CCSER1: variants seen among roughly 807,000 people sequenced by gnomAD.
The protein encoded by CCSER1 is serine-rich coiled-coil domain-containing protein 1.
CCSER1 carries 41 observed loss-of-function variants against 82.0 expected under a neutral mutation model. The ratio of observed to expected loss-of-function variants is 0.50; its 90% CI spans 0.39 to 0.65. The LOEUF (loss-of-function observed/expected upper bound fraction) is 0.65. Among genes scored for constraint, CCSER1 ranks in the 30% least tolerant of loss-of-function variants. The probability of loss-of-function intolerance (pLI) is 0.00; values close to 1 mark genes in which losing one functional copy is unlikely to be tolerated. For missense variants in CCSER1, 1,119 were observed against 1,064.2 expected, an observed-to-expected ratio of 1.05 and a Z score of -0.72; for synonymous variants, 414 against 383.9, an observed-to-expected ratio of 1.08 and a Z score of -0.92.
At chr4:90,338,436 C>G (rs375977775) in intron 3 of CCSER1, among the ~76,000 whole-genome samples, 1 of 152,164 alleles carries the variant, frequency 6.6e-6, no homozygotes, top group Non-Finnish European at 1.5e-5. Flanking sequence ...AAGTTCCTAA[C>G]AATGTTCATT....
chr4:91,354,245 A>G (rs4473625), intron 10 of CCSER1, among the ~76,000 whole-genome samples: 119,300 of 152,162 alleles, frequency 0.78, 47,467 homozygotes, highest in African/African-American at 0.92. Context: ...TTTTCAGGGG[A>G]CCATTTATCA....
intron 10 of CCSER1, among the ~76,000 whole-genome samples, chr4:91,126,308 C>T (rs917080939): frequency 6.6e-6 from 1 of 151,782 alleles, no homozygotes. Flanking sequence ...GAAACACAAC[C>T]ATAACCTCAA....
intron 7 of CCSER1, among the ~76,000 whole-genome samples, chr4:90,791,770 C>T (rs967771661): frequency 1.3e-5 from 2 of 149,520 alleles, no homozygotes; most frequent in Admixed American, 1.3e-4. Context: ...TGTAGTGAGC[C>T]GAGATCGCGC....
At chr4:90,475,742 G>C (rs116796235) in intron 5 of CCSER1, among the ~76,000 whole-genome samples, 1 of 152,122 alleles carries the variant, frequency 6.6e-6, no homozygotes, top group African/African-American at 2.4e-5. Flanking sequence ...ATAAAGAGGG[G>C]CAAAGGACTC....
intron 9 of CCSER1, among the ~76,000 whole-genome samples, chr4:91,022,004 CTTTTT>C (rs914341028): frequency 1.3e-5 from 2 of 151,150 alleles, no homozygotes; most frequent in African/African-American, 4.9e-5. Flanking sequence ...TATATTGAAA[CTTTTT>C]TTTTATTATA....
intron 6 of CCSER1, among the ~76,000 whole-genome samples, chr4:90,657,288 A>T (rs66934910): frequency 0.51 from 78,023 of 151,900 alleles, 20,273 homozygotes; most frequent in Middle Eastern, 0.67. Flanking sequence ...TTTATTCAAA[A>T]GAGATTTTGT....
chr4:91,156,159 G>A (rs1427360130), intron 10 of CCSER1, among the ~76,000 whole-genome samples: 3 of 151,630 alleles, frequency 2.0e-5, no homozygotes, highest in Non-Finnish European at 3.0e-5. Flanking sequence ...TTGAAGGGAG[G>A]TGATGGCCAA....
chr4:90,813,917 G>C (rs1758660505), intron 7 of CCSER1, among the ~76,000 whole-genome samples: 1 of 152,106 alleles, frequency 6.6e-6, no homozygotes. Context: ...TGGGGATTCT[G>C]TGTGGGTGGC....
intron 4 of CCSER1, among the ~76,000 whole-genome samples, chr4:90,428,606 T>A (rs1011796498): frequency 1.1e-4 from 16 of 151,916 alleles, no homozygotes; most frequent in Non-Finnish European, 2.2e-4. Flanking sequence ...TAGAAGTGGA[T>A]CATCATAAAA....
At chr4:90,537,328 C>T (rs906821145) in intron 5 of CCSER1, among the ~76,000 whole-genome samples, 7 of 151,894 alleles carry the variant, frequency 4.6e-5, no homozygotes, top group African/African-American at 7.2e-5. Context: ...ATATCTTTTT[C>T]GTTTTTAGGG....
At chr4:90,276,482 G>GA (rs1420547617) in intron 1 of CCSER1, among the ~76,000 whole-genome samples, 1 of 146,742 alleles carries the variant, frequency 6.8e-6, no homozygotes, top group Non-Finnish European at 1.5e-5. Context: ...GAGTAGCTGG[G>GA]ATTACAATAA....
At chr4:91,423,189 G>GCTGAGGCGGGCAGATCAC (rs1753777203) in intron 10 of CCSER1, among the ~76,000 whole-genome samples, 1 of 151,968 alleles carries the variant, frequency 6.6e-6, no homozygotes, top group South Asian at 2.1e-4. Flanking sequence ...ACTTTGGGAG[G>GCTGAGGCGGGCAGATCAC]CTGAGGCGGG....
intron 3 of CCSER1, among the ~76,000 whole-genome samples, chr4:90,316,338 A>G (rs916572058): frequency 2.6e-5 from 4 of 152,206 alleles, no homozygotes; most frequent in African/African-American, 9.7e-5. Flanking sequence ...AAGTTGAGCC[A>G]TTTTTCAATT....
chr4:91,394,323 T>C (rs1389213414), intron 10 of CCSER1, among the ~76,000 whole-genome samples: 1 of 152,118 alleles, frequency 6.6e-6, no homozygotes, highest in East Asian at 1.9e-4. Flanking sequence ...TAATTATTTT[T>C]AATATCTCAA....
chr4:90,691,273 C>A (rs1735772946), intron 6 of CCSER1, among the ~76,000 whole-genome samples: 3 of 151,404 alleles, frequency 2.0e-5, no homozygotes, highest in South Asian at 4.2e-4. Context: ...AAAGATATAC[C>A]TGTCTCTGAT....
intron 1 of CCSER1, among the ~76,000 whole-genome samples, chr4:90,303,971 C>A (rs775597715): frequency 1.3e-5 from 2 of 152,088 alleles, no homozygotes; most frequent in Non-Finnish European, 2.9e-5. Flanking sequence ...ACCAAACAAC[C>A]CCATCAAAAA....
At chr4:90,956,805 T>C (rs1434487336) in intron 9 of CCSER1, among the ~76,000 whole-genome samples, 1 of 150,424 alleles carries the variant, frequency 6.6e-6, no homozygotes, top group Non-Finnish European at 1.5e-5. Flanking sequence ...GTATTTTAAC[T>C]CTGTCACCCA....
chr4:91,144,200 G>T (rs952862134), intron 10 of CCSER1, among the ~76,000 whole-genome samples: 10 of 151,912 alleles, frequency 6.6e-5, no homozygotes, highest in African/African-American at 2.4e-4. Flanking sequence ...TTGGTCATGT[G>T]TTTCCAGGAA....
At chr4:90,267,400 C>T (rs115451142) in intron 1 of CCSER1, among the ~76,000 whole-genome samples, 1,905 of 152,236 alleles carry the variant, frequency 0.013, 51 homozygotes, top group African/African-American at 0.043. Context: ...TCTGGACCCA[C>T]CTGGGGCCTG....
Sources: allele counts gnomAD v4.1 joint callset (sites outside exome capture counted in the v4.1 genomes callset), GRCh38; gene constraint gnomAD v4.1.1; transcripts MANE v1.5; gene names NCBI Gene and HGNC (gene_info 2026-07-23, HGNC 2026-07-21).